The following SGCD variants were observed in gnomAD, a reference collection of about 807,000 sequenced individuals.
SGCD encodes sarcoglycan delta.
A neutral mutation model predicts 36.6 loss-of-function variants in SGCD; 18 were observed. That is an observed-to-expected ratio of 0.49 (90% CI 0.34 to 0.73). The LOEUF (loss-of-function observed/expected upper bound fraction) is 0.73, where lower values mean the gene tolerates loss of function less well. Ranked by LOEUF, SGCD falls within the 30% of genes least tolerant of loss-of-function variation. The pLI is 0.01. For synonymous variants in SGCD, 133 were observed against 130.6 expected, an observed-to-expected ratio of 1.02 and a Z score of -0.12; for missense variants, 387 against 346.7, an observed-to-expected ratio of 1.12 and a Z score of -0.92.
At chr5:156,241,254 G>A (rs1207083850) in intron 3 of SGCD, among the ~76,000 whole-genome samples, 1 of 78,944 alleles carries the variant, frequency 1.3e-5, no homozygotes, top group African/African-American at 4.1e-5. Flanking sequence ...ACCAAAACGT[G>A]TGTGTGTGTG....
At chr5:156,386,521 C>T (rs4438860) in intron 3 of SGCD, among the ~76,000 whole-genome samples, 18,228 of 152,208 alleles carry the variant, frequency 0.12, 1,194 homozygotes, top group South Asian at 0.22. Flanking sequence ...TTTTAAAATG[C>T]GTGTTGTTTA....
chr5:156,497,170 A>ACTCTCT (rs10559912), intron 3 of SGCD, among the ~76,000 whole-genome samples: 191 of 145,356 alleles, frequency 1.3e-3, no homozygotes, highest in Middle Eastern at 3.8e-3. Flanking sequence ...ACTCTCCTGC[A>ACTCTCT]CTCTCTCTCT....
At chr5:156,019,851 A>G (rs1759061093) in intron 1 of SGCD, among the ~76,000 whole-genome samples, 1 of 152,196 alleles carries the variant, frequency 6.6e-6, no homozygotes. Context: ...GGCCTATGAG[A>G]TAAAATCCAG....
In SGCD at chr5:156,415,633, C is replaced by A. The variant is rs559039962; in HGVS notation, c.192+70956C>A. ...CAATATCCAGGTGTAATTGACCAAA[C>A]AAGAAAACTAAAGTGTAGCCCAGAT... On this transcript the variant is annotated intron_variant, in intron 3 of 8. Transcript: ENST00000337851. 2.0e-5 allele frequency among the ~76,000 whole-genome samples: 3 copies of A among 152,232 alleles called. No individual in the cohort carries two copies. The South Asian group carries it at 6.2e-4, about 32-fold the overall frequency.
chr5:156,072,898 C>A (rs191785959), intron 1 of SGCD, among the ~76,000 whole-genome samples: 1 of 152,288 alleles, frequency 6.6e-6, no homozygotes, highest in Admixed American at 6.5e-5. Context: ...CCATCACTGA[C>A]ACCCTTTGTT....
intron 3 of SGCD, among the ~76,000 whole-genome samples, chr5:156,477,179 T>C (rs1386709850): frequency 6.6e-6 from 1 of 152,190 alleles, no homozygotes; most frequent in Admixed American, 6.5e-5. Flanking sequence ...TTTAGTATTG[T>C]CGAGCCCCAT....
At chr5:156,112,225 G>A (rs1029454778) in intron 1 of SGCD, among the ~76,000 whole-genome samples, 6 of 152,098 alleles carry the variant, frequency 3.9e-5, no homozygotes, top group Admixed American at 1.3e-4. Flanking sequence ...CAAATGGCTC[G>A]TGTAAGTTCA....
chr5:156,063,680 T>C (rs1760291234), intron 1 of SGCD, among the ~76,000 whole-genome samples: 2 of 25,400 alleles, frequency 7.9e-5, no homozygotes, highest in South Asian at 4.6e-3. Context: ...CTAGGTATTT[T>C]ATTCTCTTTG....
chr5:155,927,654 G>A (rs1757019287), intron 1 of SGCD, among the ~76,000 whole-genome samples: 1 of 152,204 alleles, frequency 6.6e-6, no homozygotes, highest in Middle Eastern at 3.2e-3. Flanking sequence ...TATGCATTTT[G>A]CCTGAGAGAG....
intron 1 of SGCD, among the ~76,000 whole-genome samples, chr5:156,099,710 CGG>C (rs1274130882): frequency 6.6e-6 from 1 of 152,074 alleles, no homozygotes; most frequent in Non-Finnish European, 1.5e-5. Context: ...CCACTGTGCT[CGG>C]CCTATTTAAT....
intron 4 of SGCD, among the ~76,000 whole-genome samples, chr5:156,528,417 C>T (rs1388280855): frequency 6.6e-6 from 1 of 152,030 alleles, no homozygotes; most frequent in African/African-American, 2.4e-5. Flanking sequence ...TTGCCACCGT[C>T]TCCTTAGTTT....
the SGCD span, among the ~76,000 whole-genome samples, chr5:155,771,767 G>C: frequency 3.3e-5 from 5 of 151,906 alleles, 1 homozygote; most frequent in African/African-American, 1.2e-4. Context: ...GCCCAGGGTG[G>C]TCTTGAACTC....
At chr5:156,545,720 C>T (rs1194605963) in intron 4 of SGCD, among the ~76,000 whole-genome samples, 1 of 152,126 alleles carries the variant, frequency 6.6e-6, no homozygotes, top group Non-Finnish European at 1.5e-5. Context: ...TTCCCTGTAC[C>T]CGTCTTCGGC....
intron 1 of SGCD, among the ~76,000 whole-genome samples, chr5:155,907,380 CTT>C (rs1756540939): frequency 6.6e-6 from 1 of 152,042 alleles, no homozygotes; most frequent in African/African-American, 2.4e-5. Context: ...ACTTTCATGT[CTT>C]ATTATTTAGG....
rs114762581 is a variant in SGCD, at chr5:156,029,934, C to T, written c.-281-87944C>T. On this transcript the variant is annotated intron_variant, in intron 1 of 9. Transcript: ENST00000517913. ...TCTACTCATTAAGCAGCCTTTCTTCCCCCAGAAAGCCTTCGCCAAGCCCTC... is the reference window on the plus strand; with the variant it reads ...TCTACTCATTAAGCAGCCTTTCTTCTCCCAGAAAGCCTTCGCCAAGCCCTC... Among the ~76,000 whole-genome samples the T allele has an allele frequency of 8.0e-3, 1,215 of 152,234 alleles. 12 individuals are homozygous for T. The highest frequency in any genetic ancestry group is 0.018 in the African/African-American group (743 of 41,524).
the SGCD span, among the ~76,000 whole-genome samples, chr5:155,826,326 TAAATG>T: frequency 6.6e-6 from 1 of 152,220 alleles, no homozygotes; most frequent in Non-Finnish European, 1.5e-5. Flanking sequence ...TTTAAAAACA[TAAATG>T]AGATGATCTT....
the SGCD span, among the ~76,000 whole-genome samples, chr5:155,799,193 AAG>A: frequency 6.6e-6 from 1 of 152,186 alleles, no homozygotes; most frequent in Admixed American, 6.5e-5. Flanking sequence ...TTTTTATACA[AAG>A]AGGATTAAAA....
chr5:155,777,559 T>C, the SGCD span, among the ~76,000 whole-genome samples: 2 of 152,180 alleles, frequency 1.3e-5, no homozygotes, highest in East Asian at 3.9e-4. Context: ...GATGTCACCA[T>C]GTTGCCCAGA....
At chr5:156,052,279 G>T (rs1001002092) in intron 1 of SGCD, among the ~76,000 whole-genome samples, 2 of 146,114 alleles carry the variant, frequency 1.4e-5, no homozygotes, top group African/African-American at 2.5e-5. Flanking sequence ...AGTGTCGGGG[G>T]TAAGGGGTGA....
Sources: gnomAD v4.1 joint callset for allele counts (sites outside exome capture counted in the v4.1 genomes callset) on GRCh38, gnomAD v4.1.1 for gene constraint, MANE v1.5 for transcripts, NCBI Gene and HGNC (gene_info 2026-07-23, HGNC 2026-07-21) for gene names.